FXYD3: variants seen among roughly 807,000 people sequenced by gnomAD.
The protein encoded by FXYD3 is FXYD domain-containing ion transport regulator 3.
FXYD3 carries 13 observed loss-of-function variants against 19.2 expected under a neutral mutation model. The ratio of observed to expected loss-of-function variants is 0.68; its 90% CI spans 0.44 to 1.08. The LOEUF is 1.08. Ranked by LOEUF, FXYD3 falls within the 50% of genes least tolerant of loss-of-function variation. The pLI is 0.00. For missense variants in FXYD3, 101 were observed against 109.4 expected, an observed-to-expected ratio of 0.92 and a Z score of 0.34; for synonymous variants, 48 against 38.9, an observed-to-expected ratio of 1.23 and a Z score of -0.87.
chr19:35,117,780 G>A (rs1368354856), intron 2 of FXYD3, among the ~76,000 whole-genome samples: 11 of 26,576 alleles, frequency 4.1e-4, no homozygotes, highest in Admixed American at 1.7e-3. Flanking sequence ...AGAAATGGAT[G>A]CTCCAACTAA....
At chr19:35,119,095 T>G in intron 2 of FXYD3, 3 of 1,092,192 alleles carry the variant, frequency 2.7e-6, no homozygotes, top group African/African-American at 1.6e-5. Context: ...GGCGCCCTTG[T>G]TTGGTTGCGG....
chr19:35,119,781 C>G (rs1480335480), intron 3 of FXYD3: 2 of 278,824 alleles, frequency 7.2e-6, no homozygotes, highest in Non-Finnish European at 1.4e-5. Context: ...AGCGATCCTA[C>G]TCTCTTAGCC....
At chr19:35,123,023 T>C (rs2065081335) in intron 7 of FXYD3, 69 bp downstream of exon 7, 4 of 1,512,194 alleles carry the variant, frequency 2.6e-6, no homozygotes, top group Non-Finnish European at 3.5e-6. Context: ...GGGCTAACTC[T>C]CCCAGCAGGA....
intron 2 of FXYD3, among the ~76,000 whole-genome samples, chr19:35,117,675 C>T (rs1188470154): frequency 7.2e-6 from 1 of 139,142 alleles, no homozygotes; most frequent in Non-Finnish European, 1.5e-5. Context: ...ACGCCAGCTC[C>T]CCCAACCCCC....
At chr19:35,121,199 T>C (rs200309058) in intron 4 of FXYD3, 23 bp from the exon 5 acceptor site, 1 of 1,614,158 alleles carries the variant, frequency 6.2e-7, no homozygotes, top group Admixed American at 1.7e-5. Context: ...CCTGGATTCA[T>C]GATCTTTTTT....
intron 8 of FXYD3, 54 bp from the exon 9 acceptor site, chr19:35,123,387 G>A (rs1439840278): frequency 1.2e-6 from 2 of 1,613,636 alleles, no homozygotes; most frequent in Non-Finnish European, 1.7e-6. Flanking sequence ...TTTGCACACT[G>A]GAAAGAAAAG....
Position 35,124,130 on chromosome 19 carries a change from C to A in FXYD3, c.*673C>A, listed in dbSNP as rs901710013. The A allele has an allele frequency of 3.3e-5, 5 of 153,376 alleles. No homozygotes were observed. The highest frequency in any genetic ancestry group is 1.2e-4 in the African/African-American group (5 of 41,418). The allele number at this position is 153,376 out of a possible 1,614,324, so 9.5% of individuals were successfully genotyped here. A position where few individuals can be genotyped will look rare whatever the true frequency, so the allele number is the denominator to read the frequency against. On this transcript the variant is annotated 3_prime_UTR_variant, in exon 9 of 9. Coordinates refer to ENST00000604404, the MANE Select transcript of FXYD3 (RefSeq NM_005971.4). ...TGCTACCCTTAATAACATACAATGA[C>A]CACATAGTGTGAGAACTTCCAACAA...
intron 2 of FXYD3, among the ~76,000 whole-genome samples, chr19:35,118,896 G>C (rs937597054): frequency 6.6e-6 from 1 of 152,198 alleles, no homozygotes; most frequent in African/African-American, 2.4e-5. Context: ...CCTGGGAAGC[G>C]GGCCTCCTGC....
Position 35,116,317 on chromosome 19 carries a change from C to T in FXYD3, c.-57C>T, listed in dbSNP as rs1366442067. 8 of 985,328 alleles carry T rather than the reference C, an allele frequency of 8.1e-6. No homozygotes were observed. In the Admixed American group the frequency reaches 1.8e-4, roughly 23 times the overall value. The allele number at this position is 985,328 out of a possible 1,614,324, so 61.0% of individuals were successfully genotyped here. A position where few individuals can be genotyped will look rare whatever the true frequency, so the allele number is the denominator to read the frequency against. Reference sequence around the variant, plus strand: ...AAACGCAGGACTCCGCCTGGCAGCCCGATTTCTCCCGGAACCTCTGCTCAG... The same window carrying T: ...AAACGCAGGACTCCGCCTGGCAGCCTGATTTCTCCCGGAACCTCTGCTCAG... On this transcript the variant is annotated 5_prime_UTR_variant, in exon 2 of 9. Transcript: ENST00000604404.
intron 5 of FXYD3, chr19:35,121,472 G>A (rs2145337664): frequency 1.4e-6 from 2 of 1,449,382 alleles, no homozygotes; most frequent in South Asian, 1.5e-5. Flanking sequence ...CAGGAGGTGA[G>A]GACAGTTTGC....
intron 5 of FXYD3, among the ~76,000 whole-genome samples, chr19:35,122,465 T>C (rs1035087607): frequency 5.9e-5 from 9 of 152,194 alleles, no homozygotes; most frequent in African/African-American, 2.2e-4. Flanking sequence ...AAAAACGCAA[T>C]CACTTTTGCT....
intron 3 of FXYD3, 60 bp downstream of exon 3, chr19:35,119,476 C>T: frequency 7.0e-7 from 1 of 1,423,098 alleles, no homozygotes. Context: ...GGGATCCAAC[C>T]TCTGTCTCTC....
chr19:35,119,493 G>A, intron 3 of FXYD3, 77 bp downstream of exon 3: 6 of 1,335,324 alleles, frequency 4.5e-6, no homozygotes, highest in Non-Finnish European at 6.5e-6. Flanking sequence ...TCTCTCCTGT[G>A]CTTTTCTACC....
chr19:35,116,318 G>C lies in FXYD3; in HGVS notation c.-56G>C. 6 of 985,468 alleles carry C rather than the reference G, an allele frequency of 6.1e-6. No homozygotes were observed. Among genetic ancestry groups the C allele is most frequent in the Non-Finnish European group, 6.0e-6 (5 of 829,974 alleles). 61.0% of individuals were successfully genotyped at this position (985,468 alleles called of 1,614,324 possible). A position where few individuals can be genotyped will look rare whatever the true frequency, so the allele number is the denominator to read the frequency against. The stretch of plus-strand genomic sequence containing the variant: ...AACGCAGGACTCCGCCTGGCAGCCC[G>C]ATTTCTCCCGGAACCTCTGCTCAGC... On this transcript the variant is annotated 5_prime_UTR_variant, in exon 2 of 9. Coordinates refer to ENST00000604404, the MANE Select transcript of FXYD3 (RefSeq NM_005971.4).
At chr19:35,118,374 A>G (rs1009700305) in intron 2 of FXYD3, 13 of 497,376 alleles carry the variant, frequency 2.6e-5, no homozygotes, top group Middle Eastern at 1.0e-3. Flanking sequence ...AAAAAAAAAA[A>G]ACAATTATGA....
chr19:35,123,326 G>A lies in FXYD3; in HGVS notation c.247+18G>A. On this transcript the variant is annotated intron_variant, in intron 8 of 8. Transcript: ENST00000604404. The stretch of plus-strand genomic sequence containing the variant: ...CACCCCAGGTAAGATGGGGCAGCAT[G>A]GGGCTCAGGGGAACACGGAAGTGGT... 1 of 1,611,594 alleles carries A rather than the reference G, an allele frequency of 6.2e-7. No individual in the cohort carries two copies. The highest frequency in any genetic ancestry group is 1.3e-5 in the African/African-American group (1 of 74,948).
rs896250828 is a variant in FXYD3 at position 35,117,209 on chromosome 19, C to T, written c.-15+850C>T. 116 of 1,427,696 alleles carry T rather than the reference C, an allele frequency of 8.1e-5. 1 individual carries two copies. Among genetic ancestry groups the T allele is most frequent in the Admixed American group, 1.8e-4 (5 of 28,318 alleles). 88.4% of individuals were successfully genotyped at this position (1,427,696 alleles called of 1,614,324 possible). A position where few individuals can be genotyped will look rare whatever the true frequency, so the allele number is the denominator to read the frequency against. On this transcript the variant is annotated intron_variant, in intron 2 of 8. Coordinates refer to ENST00000604404, the MANE Select transcript of FXYD3 (RefSeq NM_005971.4). The stretch of plus-strand genomic sequence containing the variant: ...GGAACGTGAGGGCAGACCCAGCTCC[C>T]GGCTCCCTGCAGCCTCCGGAAGCAT...
At chr19:35,118,656 G>A in intron 2 of FXYD3, 1 of 825,152 alleles carries the variant, frequency 1.2e-6, no homozygotes, top group Non-Finnish European at 1.5e-6. Context: ...GCTGGGACCG[G>A]GAAGGGCATG....
At chr19:35,122,573 C>T (rs1406756587) in intron 5 of FXYD3, 192 bp from the exon 6 acceptor site, 1 of 591,674 alleles carries the variant, frequency 1.7e-6, no homozygotes, top group Non-Finnish European at 3.0e-6. Flanking sequence ...CTCTGCCTGA[C>T]CCTGCACGAC....
Sources: gnomAD v4.1 joint callset for allele counts (sites outside exome capture counted in the v4.1 genomes callset) on GRCh38, gnomAD v4.1.1 for gene constraint, MANE v1.5 for transcripts, NCBI Gene and HGNC (gene_info 2026-07-23, HGNC 2026-07-21) for gene names.